The following NAV3 variants were observed in gnomAD, a reference collection of about 807,000 sequenced individuals.
NAV3 encodes pore membrane and/or filament interacting like protein 1.
A neutral mutation model predicts 244.7 loss-of-function variants in NAV3; 87 were observed. That is an observed-to-expected ratio of 0.36 (90% confidence interval 0.30 to 0.42). The LOEUF (loss-of-function observed/expected upper bound fraction) is 0.42. Among genes scored for constraint, NAV3 ranks in the 20% least tolerant of loss-of-function variants. NAV3 has a pLI of 1.00. For missense variants in NAV3, 2,663 were observed against 2,893.3 expected, an observed-to-expected ratio of 0.92 and a Z score of 1.83; for synonymous variants, 1,126 against 1,042.2, an observed-to-expected ratio of 1.08 and a Z score of -1.55.
chr12:77,858,319 G>A lies in NAV3; in HGVS notation c.243+26615G>A, dbSNP rs530400266. ...AAACAGGGGGTTTAAGCGGAATTGG[G>A]TTCCATGTGGATAAGGAATTTGACT... On this transcript the variant is annotated intron_variant, in intron 1 of 39. Coordinates refer to ENST00000397909, the MANE Select transcript of NAV3 (RefSeq NM_001024383.2). Among the ~76,000 whole-genome samples the A allele has an allele frequency of 3.3e-5, 5 of 152,148 alleles. No individual in the cohort carries two copies. In the South Asian group the frequency reaches 8.3e-4, roughly 25 times the overall value.
chr12:77,592,228 A>T (rs376536225), intron 2 of NAV3, among the ~76,000 whole-genome samples: 1 of 152,206 alleles, frequency 6.6e-6, no homozygotes, highest in Non-Finnish European at 1.5e-5. Context: ...CTGAAAGTGC[A>T]CTGTCTGCAC....
intron 2 of NAV3, among the ~76,000 whole-genome samples, chr12:77,757,832 T>C (rs537299160): frequency 6.6e-6 from 1 of 152,358 alleles, no homozygotes; most frequent in East Asian, 1.9e-4. Flanking sequence ...AATATGTGAA[T>C]CACCTGGCTC....
chr12:78,175,498 C>T, intron 25 of NAV3, 71 bp downstream of exon 25: 1 of 1,547,850 alleles, frequency 6.5e-7, no homozygotes, highest in Non-Finnish European at 8.7e-7. Flanking sequence ...TTCTTTGGGG[C>T]TTTAGTGATC....
intron 9 of NAV3, among the ~76,000 whole-genome samples, chr12:78,035,825 A>G (rs916683300): frequency 1.3e-5 from 2 of 152,172 alleles, no homozygotes; most frequent in East Asian, 1.9e-4. Flanking sequence ...TCTTTAAAAG[A>G]TTAGGGAAGT....
intron 2 of NAV3, among the ~76,000 whole-genome samples, chr12:77,816,764 G>A (rs561272764): frequency 3.4e-4 from 51 of 150,408 alleles, no homozygotes; most frequent in African/African-American, 9.9e-4. Context: ...AAAAAAAATC[G>A]TATATCAATA....
intron 2 of NAV3, among the ~76,000 whole-genome samples, chr12:77,778,615 A>C (rs1456205323): frequency 7.0e-6 from 1 of 142,088 alleles, no homozygotes; most frequent in Non-Finnish European, 1.5e-5. Context: ...CCGTCTCAGA[A>C]AAAAAAAAAA....
intron 5 of NAV3, among the ~76,000 whole-genome samples, chr12:77,993,516 T>C (rs1327315833): frequency 6.6e-6 from 1 of 152,180 alleles, no homozygotes; most frequent in Admixed American, 6.5e-5. Flanking sequence ...ACAGATTGCA[T>C]TATACACAAA....
At chr12:77,802,971 A>C (rs993926846) in intron 2 of NAV3, among the ~76,000 whole-genome samples, 1 of 152,102 alleles carries the variant, frequency 6.6e-6, no homozygotes, top group African/African-American at 2.4e-5. Flanking sequence ...CTGGCCTTGC[A>C]CCTAGTATTT....
intron 1 of NAV3, among the ~76,000 whole-genome samples, chr12:77,913,734 G>A (rs1216067559): frequency 6.6e-6 from 1 of 152,072 alleles, no homozygotes; most frequent in Admixed American, 6.6e-5. Context: ...TATTTTTACA[G>A]TCTCTCACTT....
At chr12:77,591,539 T>C (rs1463374695) in intron 2 of NAV3, among the ~76,000 whole-genome samples, 1 of 152,242 alleles carries the variant, frequency 6.6e-6, no homozygotes, top group African/African-American at 2.4e-5. Context: ...AACTGATTTC[T>C]TGAGTCTATA....
chr12:78,173,811 T>A (rs1385145400), intron 24 of NAV3, among the ~76,000 whole-genome samples: 1 of 151,278 alleles, frequency 6.6e-6, no homozygotes, highest in Non-Finnish European at 1.5e-5. Context: ...AGTAGAAAAA[T>A]TAAGGGACTT....
intron 2 of NAV3, among the ~76,000 whole-genome samples, chr12:77,736,211 A>G (rs1434420429): frequency 1.3e-5 from 2 of 152,344 alleles, no homozygotes; most frequent in South Asian, 2.1e-4. Context: ...GTCAAGTTCT[A>G]TTAAACCAAT....
rs1248202920 is a variant in NAV3, at chr12:77,593,381, C to A, written c.72+21115C>A. ...TTTGCCTCTTCTCTCTCCCCTTGTT[C>A]TCTCCCTGTCTTTCTCTCTTCCAAA... On this transcript the variant is annotated intron_variant, in intron 2 of 8. Transcript: ENST00000550042. Among the ~76,000 whole-genome samples, 6 of 151,628 alleles carry A rather than the reference C, an allele frequency of 4.0e-5. No homozygotes were observed. The South Asian group carries it at 8.3e-4, about 21-fold the overall frequency.
intron 37 of NAV3, among the ~76,000 whole-genome samples, chr12:78,199,747 G>T (rs973446717): frequency 6.6e-6 from 1 of 151,514 alleles, no homozygotes; most frequent in African/African-American, 2.4e-5. Flanking sequence ...AAATATTACC[G>T]AGATCAGATA....
chr12:77,666,482 A>G (rs1873723077), intron 2 of NAV3, among the ~76,000 whole-genome samples: 1 of 152,180 alleles, frequency 6.6e-6, no homozygotes, highest in South Asian at 2.1e-4. Flanking sequence ...CAAATGTTGC[A>G]AAGTTTATCT....
At chr12:78,142,337 A>G (rs1956651163) in intron 20 of NAV3, among the ~76,000 whole-genome samples, 1 of 152,156 alleles carries the variant, frequency 6.6e-6, no homozygotes, top group African/African-American at 2.4e-5. Context: ...ACCAGTGTCC[A>G]GTAGACCTTT....
chr12:77,678,693 T>A (rs1050216842), intron 2 of NAV3, among the ~76,000 whole-genome samples: 7 of 152,186 alleles, frequency 4.6e-5, no homozygotes, highest in Non-Finnish European at 1.0e-4. Flanking sequence ...TCAAGATTTT[T>A]AAAATATATT....
chr12:77,779,223 A>G (rs1050007181), intron 2 of NAV3, among the ~76,000 whole-genome samples: 4 of 152,222 alleles, frequency 2.6e-5, no homozygotes, highest in African/African-American at 9.6e-5. Flanking sequence ...ACACTCAAAA[A>G]TCTCACCCAA....
chr12:77,964,122 TGAGA>T (rs1251505463), intron 3 of NAV3, among the ~76,000 whole-genome samples: 1 of 151,692 alleles, frequency 6.6e-6, no homozygotes, highest in Non-Finnish European at 1.5e-5. Context: ...TGGTGCAAGT[TGAGA>T]GAGAGAGTTG....
Sources: gnomAD v4.1 joint callset for allele counts (sites outside exome capture counted in the v4.1 genomes callset) on GRCh38, gnomAD v4.1.1 for gene constraint, MANE v1.5 for transcripts, NCBI Gene and HGNC (gene_info 2026-07-23, HGNC 2026-07-21) for gene names.